The following PTPRZ1 variants were observed in gnomAD, a reference collection of about 807,000 sequenced individuals.
The protein encoded by PTPRZ1 is receptor-type tyrosine-protein phosphatase zeta.
A neutral mutation model predicts 214.1 loss-of-function variants in PTPRZ1; 82 were observed. The observed-to-expected ratio is 0.38, with a 90% confidence interval of 0.32 to 0.46. The LOEUF (loss-of-function observed/expected upper bound fraction) is 0.46, where lower values mean the gene tolerates loss of function less well. PTPRZ1 is among the 20% of genes least tolerant of loss of function. PTPRZ1 has a pLI of 1.00. For synonymous variants in PTPRZ1, 945 were observed against 987.9 expected (o/e 0.96, Z 0.81); for missense variants, 2,603 against 2,748.7 (o/e 0.95, Z 1.19).
At chr7:121,891,381 G>A (rs1195927062) in intron 1 of PTPRZ1, among the ~76,000 whole-genome samples, 1 of 147,284 alleles carries the variant, frequency 6.8e-6, no homozygotes, top group Admixed American at 6.8e-5. Context: ...TCACCATGGA[G>A]CCCCAGACCC....
At chr7:121,964,078 T>G (rs1038476857) in intron 2 of PTPRZ1, among the ~76,000 whole-genome samples, 3 of 152,096 alleles carry the variant, frequency 2.0e-5, no homozygotes, top group Non-Finnish European at 2.9e-5. Flanking sequence ...ATTGATCAAA[T>G]TTTTTTGGTT....
chr7:121,953,254 T>C (rs1303072474), intron 2 of PTPRZ1, among the ~76,000 whole-genome samples: 1 of 152,234 alleles, frequency 6.6e-6, no homozygotes, highest in Non-Finnish European at 1.5e-5. Context: ...CTCATTAGAC[T>C]GTTTGTTACA....
intron 2 of PTPRZ1, among the ~76,000 whole-genome samples, chr7:121,932,367 A>C (rs1795950459): frequency 6.6e-6 from 1 of 152,206 alleles, no homozygotes; most frequent in South Asian, 2.1e-4. Flanking sequence ...AAAATGAACG[A>C]CTATGCTAAC....
intron 1 of PTPRZ1, among the ~76,000 whole-genome samples, chr7:121,875,033 G>A (rs1362990732): frequency 1.6e-5 from 2 of 122,266 alleles, no homozygotes; most frequent in Non-Finnish European, 3.3e-5. Context: ...AGCATGTTGC[G>A]GATCTCTTTG....
intron 1 of PTPRZ1, among the ~76,000 whole-genome samples, chr7:121,897,408 A>G (rs921194597): frequency 1.3e-5 from 2 of 152,188 alleles, no homozygotes; most frequent in Admixed American, 1.3e-4. Context: ...CAAAGCCAGA[A>G]TCTCAAGTTT....
At chr7:121,921,031 G>T (rs762640597) in intron 1 of PTPRZ1, among the ~76,000 whole-genome samples, 2 of 152,008 alleles carry the variant, frequency 1.3e-5, no homozygotes, top group African/African-American at 2.4e-5. Context: ...TATTTGTAGG[G>T]CATAGGATTA....
At chr7:122,041,820 G>T (rs925036148) in intron 21 of PTPRZ1, among the ~76,000 whole-genome samples, 1 of 152,170 alleles carries the variant, frequency 6.6e-6, no homozygotes, top group Non-Finnish European at 1.5e-5. Flanking sequence ...AAATTTGAGA[G>T]ACCCATCTTG....
chr7:121,908,903 T>C (rs936500377), intron 1 of PTPRZ1: 8 of 515,088 alleles, frequency 1.6e-5, no homozygotes, highest in African/African-American at 1.5e-4. Context: ...TGAATATTCA[T>C]TGGTGCCTGA....
At chr7:122,005,119 T>C (rs1483071491) in intron 11 of PTPRZ1, among the ~76,000 whole-genome samples, 1 of 152,016 alleles carries the variant, frequency 6.6e-6, no homozygotes, top group African/African-American at 2.4e-5. Flanking sequence ...CCCATTTAAA[T>C]TGTTTATTAT....
intron 2 of PTPRZ1, among the ~76,000 whole-genome samples, chr7:121,960,626 A>C (rs1165787819): frequency 6.6e-6 from 1 of 152,188 alleles, no homozygotes; most frequent in Non-Finnish European, 1.5e-5. Flanking sequence ...GGTAAGACTC[A>C]ACAAGAACAA....
chr7:122,017,621 G>A lies in PTPRZ1; in HGVS notation c.4844-1503G>A, dbSNP rs995084699. 9.2e-5 allele frequency among the ~76,000 whole-genome samples: 14 copies of A among 151,554 alleles called. No homozygotes were observed. The East Asian group carries it at 2.7e-3, about 30-fold the overall frequency. On this transcript the variant is annotated intron_variant, in intron 12 of 29. Transcript: ENST00000393386. ...CTGTTGCCCAGGCTGTAGTGCAGTG[G>A]CGTGATCTCAGCTCACTGCAACCTC...
chr7:121,919,492 T>A (rs1003891517), intron 1 of PTPRZ1, among the ~76,000 whole-genome samples: 1 of 152,132 alleles, frequency 6.6e-6, no homozygotes, highest in Non-Finnish European at 1.5e-5. Context: ...TTAAATGCTA[T>A]ATAATCAAAG....
intron 5 of PTPRZ1, 134 bp from the exon 6 acceptor site, chr7:121,976,651 T>TA (rs1388572418): frequency 4.5e-6 from 3 of 664,544 alleles, no homozygotes; most frequent in Admixed American, 3.5e-5. Context: ...CACCTAGCTA[T>TA]AAAAAAAGTG....
intron 9 of PTPRZ1, 93 bp downstream of exon 9, chr7:121,996,659 A>G: frequency 9.3e-7 from 1 of 1,078,004 alleles, no homozygotes; most frequent in Non-Finnish European, 1.3e-6. Context: ...ATTTTCCTCC[A>G]TTACTTTTAG....
chr7:122,008,962 AT>A (rs904385556), intron 11 of PTPRZ1, among the ~76,000 whole-genome samples: 1 of 152,124 alleles, frequency 6.6e-6, no homozygotes, highest in African/African-American at 2.4e-5. Context: ...GGAATATTTT[AT>A]TTAGGAAATT....
chr7:122,011,558 G>A lies in PTPRZ1; in HGVS notation c.2512G>A (p.Val838Ile), dbSNP rs965156241. ...SSELFRHLHT[V>I]SQILPQVTSA... ...TGAATTGTTTCGCCATCTGCATACA[G>A]TTTCTCAAATCCTTCCACAAGTTAC... The change falls in exon 12 of 30, where the codon GTT becomes ATT. Residue 838 changes from valine to isoleucine, a missense_variant. This residue lies in a region of PTPRZ1 where 1,913 missense variants were observed against 1,914.3 expected (regional missense o/e 1.00). Transcript: ENST00000393386. The A allele has an allele frequency of 1.2e-6, 2 of 1,613,964 alleles. No homozygotes were observed. The highest frequency in any genetic ancestry group is 1.7e-5 in the Admixed American group (1 of 59,974).
chr7:122,061,701 C>A lies in PTPRZ1; in HGVS notation c.*481C>A, dbSNP rs1792582337. ...CACCTAAAGTAGAAATAATCTGTTA[C>A]TTATTGTAAATACTGCCCTAGTGTC... On this transcript the variant is annotated 3_prime_UTR_variant, in exon 30 of 30. Coordinates refer to ENST00000393386, the MANE Select transcript of PTPRZ1 (RefSeq NM_002851.3). The A allele has an allele frequency of 2.0e-5, 3 of 152,574 alleles. No homozygotes were observed. The highest frequency in any genetic ancestry group is 2.0e-4 in the Admixed American group (3 of 15,272). The allele number at this position is 152,574 out of a possible 1,614,324, so 9.5% of individuals were successfully genotyped here. A position where few individuals can be genotyped will look rare whatever the true frequency, so the allele number is the denominator to read the frequency against.
intron 1 of PTPRZ1, among the ~76,000 whole-genome samples, chr7:121,880,302 A>G (rs1794200647): frequency 6.6e-6 from 1 of 152,182 alleles, no homozygotes; most frequent in African/African-American, 2.4e-5. Context: ...TTTCCTTGGA[A>G]ATGTAGTACT....
chr7:121,924,455 C>T (rs946550816), intron 1 of PTPRZ1, among the ~76,000 whole-genome samples: 30 of 152,120 alleles, frequency 2.0e-4, no homozygotes, highest in Admixed American at 1.7e-3. Flanking sequence ...GAATGTGTAA[C>T]GGATTGTTTG....
Sources: gnomAD v4.1 joint callset for allele counts (sites outside exome capture counted in the v4.1 genomes callset) on GRCh38, gnomAD v4.1.1 for gene constraint, gnomAD v4.1.1 regional missense constraint, MANE v1.5 for transcripts, NCBI Gene and HGNC (gene_info 2026-07-23, HGNC 2026-07-21) for gene names.